Variants in P4HA1 observed in about 807,000 individuals in gnomAD.
P4HA1 encodes prolyl 4-hydroxylase subunit alpha-1.
A neutral mutation model predicts 72.8 loss-of-function variants in P4HA1; 24 were observed. That is an observed-to-expected ratio of 0.33 (90% CI 0.24 to 0.46). The LOEUF (loss-of-function observed/expected upper bound fraction) is 0.46, where lower values mean the gene tolerates loss of function less well. Among genes scored for constraint, P4HA1 ranks in the 20% least tolerant of loss-of-function variants. P4HA1 has a pLI of 1.00. For synonymous variants in P4HA1, 201 were observed against 218.8 expected (o/e 0.92, Z 0.72); for missense variants, 446 against 640.6 (o/e 0.70, Z 3.28).
intron 9 of P4HA1, among the ~76,000 whole-genome samples, chr10:73,034,229 T>C (rs986358471): frequency 7.9e-5 from 12 of 152,030 alleles, no homozygotes; most frequent in African/African-American, 2.7e-4. Flanking sequence ...AAATAAAAAT[T>C]TGTGGTAAAA....
At chr10:73,009,583 G>C (rs556083721) in intron 14 of P4HA1, 41 of 456,480 alleles carry the variant, frequency 9.0e-5, no homozygotes, top group Admixed American at 7.2e-4. Flanking sequence ...TTTTGAGTCA[G>C]TCATTGTTTC....
chr10:73,062,383 T>A (rs1300311141), intron 5 of P4HA1, among the ~76,000 whole-genome samples: 1 of 151,530 alleles, frequency 6.6e-6, no homozygotes, highest in East Asian at 1.9e-4. Context: ...AAAAAAAAAA[T>A]GACAGGTATG....
In P4HA1 at chr10:73,009,712, CA is replaced by C. The variant is rs1839870905; in HGVS notation, c.1534+94del. 59 of 656,576 alleles carry C rather than the reference CA, an allele frequency of 9.0e-5. 1 individual carries two copies. In the South Asian group the frequency reaches 1.2e-3, roughly 13 times the overall value. The allele number at this position is 656,576 out of a possible 1,614,324, so 40.7% of individuals were successfully genotyped here. A position where few individuals can be genotyped will look rare whatever the true frequency, so the allele number is the denominator to read the frequency against. ...TGTACAATGTTAAAATCATATTAAG[CA>C]AACATGGGGGCTTTTGTTTTTAAGA... is the stretch of plus-strand genomic sequence containing the variant. On this transcript the variant is annotated intron_variant, in intron 14 of 14. Coordinates refer to ENST00000394890, the MANE Select transcript of P4HA1 (RefSeq NM_001017962.3).
chr10:73,054,293 ATTCT>A (rs1402954598), intron 5 of P4HA1, among the ~76,000 whole-genome samples: 2 of 152,348 alleles, frequency 1.3e-5, no homozygotes, highest in African/African-American at 2.4e-5. Flanking sequence ...CGTCAACTGG[ATTCT>A]TTCTTTTAAA....
chr10:73,012,667 AACAG>A (rs531846698), intron 12 of P4HA1, among the ~76,000 whole-genome samples: 208 of 152,326 alleles, frequency 1.4e-3, no homozygotes, highest in Non-Finnish European at 2.6e-3. Flanking sequence ...AAATAGACTG[AACAG>A]ACAGATTTTG....
chr10:73,082,566 G>C (rs1841848705), intron 1 of P4HA1: 1 of 152,140 alleles, frequency 6.6e-6, no homozygotes, highest in South Asian at 2.1e-4. Flanking sequence ...TGATCAATTA[G>C]TTGTAAACAC....
In P4HA1 at chr10:73,008,312, T is replaced by C. The variant is rs200225577; in HGVS notation, c.1535-20A>G. Reference sequence around the variant, plus strand: ...TGGATACTGTGAGAGAAAAGTAATATATTAATTTTCCCCCTTAATCTAATC... The same window carrying C: ...TGGATACTGTGAGAGAAAAGTAATACATTAATTTTCCCCCTTAATCTAATC... On this transcript the variant is annotated intron_variant, in intron 14 of 14. Transcript: ENST00000394890. 2.0e-6 allele frequency: 3 copies of C among 1,465,968 alleles called. No individual in the cohort carries two copies. The highest frequency in any genetic ancestry group is 2.9e-6 in the Non-Finnish European group (3 of 1,046,732). The allele number at this position is 1,465,968 out of a possible 1,614,324, so 90.8% of individuals were successfully genotyped here. A position where few individuals can be genotyped will look rare whatever the true frequency, so the allele number is the denominator to read the frequency against.
At chr10:73,050,977 C>T in intron 7 of P4HA1, 76 bp downstream of exon 7, 1 of 1,020,088 alleles carries the variant, frequency 9.8e-7, no homozygotes, top group Non-Finnish European at 1.5e-6. Flanking sequence ...TATAAAATAA[C>T]TGATTCTCTC....
intron 7 of P4HA1, 58 bp downstream of exon 7, chr10:73,050,995 G>T: frequency 8.3e-7 from 1 of 1,198,402 alleles, no homozygotes; most frequent in Non-Finnish European, 1.2e-6. Context: ...CTCCAGAACT[G>T]TGTACAAACA....
At chr10:73,031,050 A>G (rs1279959204) in intron 9 of P4HA1, among the ~76,000 whole-genome samples, 1 of 147,574 alleles carries the variant, frequency 6.8e-6, no homozygotes, top group African/African-American at 2.6e-5. Context: ...TGTCCATACA[A>G]TAACTTGTAC....
intron 9 of P4HA1, chr10:73,043,833 C>A (rs1840791709): frequency 1.1e-5 from 15 of 1,314,648 alleles, no homozygotes; most frequent in Middle Eastern, 1.8e-4. Flanking sequence ...AAATTAGATT[C>A]CCAAGAAAGA....
chr10:73,015,693 G>A (rs1167027254), intron 11 of P4HA1, among the ~76,000 whole-genome samples: 1 of 152,152 alleles, frequency 6.6e-6, no homozygotes, highest in Middle Eastern at 3.2e-3. Flanking sequence ...TTACAGAGCT[G>A]TTATTCCCAA....
intron 10 of P4HA1, among the ~76,000 whole-genome samples, chr10:73,019,018 T>A (rs1840073275): frequency 6.6e-6 from 1 of 151,706 alleles, no homozygotes; most frequent in Non-Finnish European, 1.5e-5. Context: ...TGGCAGCTGC[T>A]TGTAGGATAT....
chr10:73,048,855 A>G (rs1267235793), intron 7 of P4HA1, among the ~76,000 whole-genome samples: 2 of 152,084 alleles, frequency 1.3e-5, no homozygotes, highest in Non-Finnish European at 2.9e-5. Context: ...TAATGAGGGA[A>G]CAGGTGCAGT....
At chr10:73,085,188 T>C (rs1264590440) in intron 1 of P4HA1, among the ~76,000 whole-genome samples, 1 of 152,070 alleles carries the variant, frequency 6.6e-6, no homozygotes, top group Non-Finnish European at 1.5e-5. Context: ...CAATTAATCA[T>C]AACGCCTAGG....
chr10:73,041,743 A>G (rs1410538380), intron 9 of P4HA1, among the ~76,000 whole-genome samples: 1 of 152,070 alleles, frequency 6.6e-6, no homozygotes, highest in Non-Finnish European at 1.5e-5. Context: ...CCCTTTGTTC[A>G]TCATACTTCT....
intron 5 of P4HA1, among the ~76,000 whole-genome samples, chr10:73,054,733 C>T (rs1414475514): frequency 1.3e-5 from 2 of 152,164 alleles, no homozygotes; most frequent in Non-Finnish European, 2.9e-5. Context: ...TATGAAATTC[C>T]AATTTCTCCA....
intron 8 of P4HA1, among the ~76,000 whole-genome samples, chr10:73,046,253 G>A (rs1029230493): frequency 5.9e-5 from 9 of 152,130 alleles, no homozygotes; most frequent in African/African-American, 1.9e-4. Flanking sequence ...CTTTATGAAA[G>A]TGATGGCAGC....
At chr10:73,043,905 T>C (rs765947605) in intron 9 of P4HA1, 2 of 1,611,838 alleles carry the variant, frequency 1.2e-6, no homozygotes, top group African/African-American at 1.3e-5. Context: ...TACTCTGTAC[T>C]GTGCTGTGGT....
Sources: allele counts gnomAD v4.1 joint callset (sites outside exome capture counted in the v4.1 genomes callset), GRCh38; gene constraint gnomAD v4.1.1; transcripts MANE v1.5; gene names NCBI Gene and HGNC (gene_info 2026-07-23, HGNC 2026-07-21).